The following GOLGA4 variants were observed in gnomAD, a reference collection of about 807,000 sequenced individuals.
GOLGA4 encodes the protein golgin A4, also known as golgin subfamily A member 4.
GOLGA4 carries 169 observed loss-of-function variants against 265.9 expected under a neutral mutation model. The observed-to-expected ratio is 0.64, with a 90% CI of 0.56 to 0.72. The LOEUF is 0.72. Ranked by LOEUF, GOLGA4 falls within the 30% of genes least tolerant of loss-of-function variation. The probability of loss-of-function intolerance (pLI) is 0.00; values close to 1 mark genes in which losing one functional copy is unlikely to be tolerated. For synonymous variants in GOLGA4, 923 were observed against 855.8 expected (o/e 1.08, Z -1.37); for missense variants, 2,482 against 2,483.4 (o/e 1.00, Z 0.01).
intron 19 of GOLGA4, among the ~76,000 whole-genome samples, chr3:37,339,257 T>C (rs771843552): frequency 6.6e-6 from 1 of 152,232 alleles, no homozygotes; most frequent in Non-Finnish European, 1.5e-5. Flanking sequence ...GGCTGAATAA[T>C]ATACCATCGT....
At chr3:37,340,945 A>T (rs11717376) in intron 20 of GOLGA4, among the ~76,000 whole-genome samples, 42,958 of 152,102 alleles carry the variant, frequency 0.28, 7,605 homozygotes, top group Non-Finnish European at 0.4. Context: ...AGGCAGGTGG[A>T]TCATGAGGTC....
chr3:37,362,780 C>CCTTTTTTTTT (rs1375290747), intron 23 of GOLGA4, among the ~76,000 whole-genome samples: 6 of 75,462 alleles, frequency 8.0e-5, no homozygotes, highest in African/African-American at 1.5e-4. Flanking sequence ...AGCCTCTAAG[C>CCTTTTTTTTT]TTTTTTTTTT....
chr3:37,266,779 A>G, intron 2 of GOLGA4: 1 of 760,118 alleles, frequency 1.3e-6, no homozygotes, highest in Non-Finnish European at 2.0e-6. Flanking sequence ...ACATGCCATT[A>G]TGATTTGTTT....
intron 2 of GOLGA4, among the ~76,000 whole-genome samples, chr3:37,256,530 A>T (rs888430342): frequency 2.6e-5 from 4 of 152,048 alleles, no homozygotes; most frequent in Middle Eastern, 3.2e-3. Context: ...GGCAGAGGAG[A>T]GTAGACTGAA....
At chr3:37,273,682 C>A in intron 2 of GOLGA4, 1 of 749,308 alleles carries the variant, frequency 1.3e-6, no homozygotes, top group Non-Finnish European at 2.3e-6. Context: ...TAGCATCTGA[C>A]TTTACATTGA....
At chr3:37,317,910 G>A (rs911719533) in intron 11 of GOLGA4, among the ~76,000 whole-genome samples, 2 of 150,156 alleles carry the variant, frequency 1.3e-5, no homozygotes, top group Non-Finnish European at 3.0e-5. Flanking sequence ...ACTTGTTTTC[G>A]TAGAAAATTT....
At position 37,243,601 on chromosome 3, in the gene GOLGA4, G is replaced by A. The variant is rs1271755481; in HGVS notation, c.51G>A (p.Gln17=). The A allele has an allele frequency of 1.2e-6, 2 of 1,613,420 alleles. No homozygotes were observed. Among genetic ancestry groups the A allele is most frequent in the Admixed American group, 1.7e-5 (1 of 60,008 alleles). Reference sequence around the variant, plus strand: ...TCAGCGAGGAGCAGCAGCAGCTCCAGCAGGCGCTGGCTCCTGCTCAGGTAC... The same window carrying A: ...TCAGCGAGGAGCAGCAGCAGCTCCAACAGGCGCTGGCTCCTGCTCAGGTAC... ...QKISEEQQQL[Q]QALAPAQASS... The change falls in exon 1 of 24, where the codon CAG becomes CAA. Residue 17 remains glutamine, a synonymous_variant. Coordinates refer to ENST00000361924, the MANE Select transcript of GOLGA4 (RefSeq NM_002078.5).
chr3:37,317,317 G>A (rs1418878155), intron 11 of GOLGA4, among the ~76,000 whole-genome samples: 1 of 152,086 alleles, frequency 6.6e-6, no homozygotes, highest in Admixed American at 6.5e-5. Flanking sequence ...TTACAGGCGT[G>A]TGCCATCACG....
At chr3:37,279,603 A>G (rs1013899452) in intron 2 of GOLGA4, among the ~76,000 whole-genome samples, 1 of 152,106 alleles carries the variant, frequency 6.6e-6, no homozygotes, top group African/African-American at 2.4e-5. Flanking sequence ...GATTTGTTGA[A>G]AATGTTAAAA....
At position 37,361,226 on chromosome 3, in the gene GOLGA4, T is replaced by A. The variant is rs779419909; in HGVS notation, c.6664-17T>A. 15 of 1,604,506 alleles carry A rather than the reference T, an allele frequency of 9.3e-6. No individual in the cohort carries two copies. In the Admixed American group the frequency reaches 2.3e-4, roughly 25 times the overall value. On this transcript the variant is annotated splice_polypyrimidine_tract_variant and intron_variant, in intron 22 of 23. Transcript: ENST00000361924. Reference sequence around the variant, plus strand: ...TAAAACTAACCCAATAAGCTTTTTTTCTTCCTGGCTTTGTAGTTTACTTCA... The same window carrying A: ...TAAAACTAACCCAATAAGCTTTTTTACTTCCTGGCTTTGTAGTTTACTTCA...
At chr3:37,329,234 C>T (rs1207906052) in intron 16 of GOLGA4, 141 bp downstream of exon 16, 3 of 572,694 alleles carry the variant, frequency 5.2e-6, no homozygotes, top group Non-Finnish European at 5.8e-6. Context: ...CAAATTAGTA[C>T]TGTTATATGC....
chr3:37,315,245 G>A (rs1466753575), intron 10 of GOLGA4, among the ~76,000 whole-genome samples, 175 bp from the exon 11 acceptor site: 5 of 152,146 alleles, frequency 3.3e-5, no homozygotes, highest in Non-Finnish European at 4.4e-5. Context: ...TTTGGTGACC[G>A]AACGTTTCTT....
chr3:37,316,641 T>C lies in GOLGA4; in HGVS notation c.1413+1043T>C, dbSNP rs573479407. On this transcript the variant is annotated intron_variant, in intron 11 of 23. Coordinates refer to ENST00000361924, the MANE Select transcript of GOLGA4 (RefSeq NM_002078.5). Reference sequence around the variant, plus strand: ...ATGGACTCCAACAACTTAAAAATAATGTATTATTTTGAAAGGTGATAATAT... The same window carrying C: ...ATGGACTCCAACAACTTAAAAATAACGTATTATTTTGAAAGGTGATAATAT... 2.6e-5 allele frequency among the ~76,000 whole-genome samples: 4 copies of C among 152,276 alleles called. No homozygotes were observed. In the East Asian group the frequency reaches 7.7e-4, roughly 29 times the overall value.
chr3:37,259,168 A>G (rs1182826157), intron 2 of GOLGA4, among the ~76,000 whole-genome samples: 1 of 152,132 alleles, frequency 6.6e-6, no homozygotes. Context: ...AGCTCTGTTC[A>G]GATTTTGCTT....
Position 37,327,783 on chromosome 3 carries a change from T to C in GOLGA4, c.5897T>C (p.Ile1966Thr). ...LRKEHQQELE[I>T]LKKEYDQERE... ...AAGGAGCATCAGCAAGAATTGGAAA[T>C]ACTAAAGAAAGAATATGATCAAGAA... is the stretch of plus-strand genomic sequence containing the variant. Residue 1966 changes from isoleucine to threonine, a missense_variant, in exon 14 of 24, where the codon ATA (isoleucine) becomes ACA (threonine). Coordinates refer to ENST00000361924, the MANE Select transcript of GOLGA4 (RefSeq NM_002078.5). 1.2e-6 allele frequency: 2 copies of C among 1,611,422 alleles called. No individual in the cohort carries two copies. Among genetic ancestry groups the C allele is most frequent in the Non-Finnish European group, 1.7e-6 (2 of 1,178,206 alleles).
Position 37,243,323 on chromosome 3 carries a change from G to A in GOLGA4, c.-228G>A, listed in dbSNP as rs1256683194. 1.8e-6 allele frequency: 1 copy of A among 568,532 alleles called. No individual in the cohort carries two copies. The highest frequency in any genetic ancestry group is 3.1e-5 in the East Asian group (1 of 32,238). 35.2% of individuals were successfully genotyped at this position (568,532 alleles called of 1,614,324 possible). A position where few individuals can be genotyped will look rare whatever the true frequency, so the allele number is the denominator to read the frequency against. Reference sequence around the variant, plus strand: ...GCCGCGGCTCCCGGGGCTGGATGGGGGGCCGAGGCCAGCCAGTGGCACCCG... The same window carrying A: ...GCCGCGGCTCCCGGGGCTGGATGGGAGGCCGAGGCCAGCCAGTGGCACCCG... On this transcript the variant is annotated 5_prime_UTR_variant, in exon 1 of 24. Transcript: ENST00000361924.
intron 2 of GOLGA4, among the ~76,000 whole-genome samples, chr3:37,267,339 A>T (rs1403428211): frequency 6.6e-6 from 1 of 152,210 alleles, no homozygotes; most frequent in African/African-American, 2.4e-5. Context: ...TTAGGGGAAA[A>T]ATTCGTTGTT....
intron 17 of GOLGA4, among the ~76,000 whole-genome samples, chr3:37,336,068 G>A (rs1310882637): frequency 6.6e-6 from 1 of 152,160 alleles, no homozygotes; most frequent in Non-Finnish European, 1.5e-5. Context: ...TGACTTACCC[G>A]CAGTGCAGAG....
In GOLGA4 at chr3:37,324,367, G is replaced by A. The variant is rs1197619928; in HGVS notation, c.2481G>A (p.Lys827=). 6.2e-7 allele frequency: 1 copy of A among 1,614,190 alleles called. No individual in the cohort carries two copies. ...AACAGTTGGCCCAATTGCAGCAGAA[G>A]TTGTTGGATTTGGAAACAGAAAGAA... The part of the protein sequence containing the change: ...YEEQLAQLQQ[K]LLDLETERIL... Residue 827 remains lysine (K), a synonymous_variant, in exon 14 of 24, where the codon AAG becomes AAA. Coordinates refer to ENST00000361924, the MANE Select transcript of GOLGA4 (RefSeq NM_002078.5).
Sources: gnomAD v4.1 joint callset for allele counts (sites outside exome capture counted in the v4.1 genomes callset) on GRCh38, gnomAD v4.1.1 for gene constraint, MANE v1.5 for transcripts, NCBI Gene and HGNC (gene_info 2026-07-23, HGNC 2026-07-21) for gene names.